Variants in EPS15 observed in about 807,000 individuals in gnomAD.
EPS15 encodes the protein epidermal growth factor receptor pathway substrate 15.
A neutral mutation model predicts 113.8 loss-of-function variants in EPS15; 72 were observed. The ratio of observed to expected loss-of-function variants is 0.63; its 90% confidence interval spans 0.52 to 0.77. The LOEUF is 0.77. Among genes scored for constraint, EPS15 ranks in the 30% least tolerant of loss-of-function variants. The pLI is 0.00. For synonymous variants in EPS15, 344 were observed against 363.4 expected, an observed-to-expected ratio of 0.95 and a Z score of 0.61; for missense variants, 1,048 against 1,045.8, an observed-to-expected ratio of 1.00 and a Z score of -0.03.
chr1:51,476,652 C>G (rs964489092), intron 2 of EPS15, among the ~76,000 whole-genome samples: 27 of 152,060 alleles, frequency 1.8e-4, no homozygotes, highest in South Asian at 4.1e-4. Flanking sequence ...AAACCAGCTC[C>G]TGGATTCATT....
intron 12 of EPS15, among the ~76,000 whole-genome samples, chr1:51,434,153 C>T (rs1268880062): frequency 6.6e-6 from 1 of 152,190 alleles, no homozygotes; most frequent in Admixed American, 6.5e-5. Context: ...GACACAAAAA[C>T]AGGTCTGCAA....
chr1:51,436,737 T>C (rs942417067), intron 12 of EPS15, among the ~76,000 whole-genome samples: 1 of 151,976 alleles, frequency 6.6e-6, no homozygotes, highest in African/African-American at 2.4e-5. Context: ...AGGTAAGGAA[T>C]CAATTCAACA....
intron 24 of EPS15, among the ~76,000 whole-genome samples, chr1:51,359,378 A>G (rs1240534801): frequency 1.4e-5 from 2 of 138,424 alleles, no homozygotes; most frequent in Non-Finnish European, 3.1e-5. Flanking sequence ...TGGGAGGTGG[A>G]GGTTGCAGTG....
chr1:51,456,171 A>G (rs1171020281), intron 8 of EPS15, among the ~76,000 whole-genome samples: 2 of 152,204 alleles, frequency 1.3e-5, no homozygotes, highest in Non-Finnish European at 2.9e-5. Flanking sequence ...TATAAAATAA[A>G]AGAAACGGGT....
At chr1:51,450,296 T>C (rs1176371325) in intron 8 of EPS15, among the ~76,000 whole-genome samples, 1 of 151,736 alleles carries the variant, frequency 6.6e-6, no homozygotes, top group East Asian at 1.9e-4. Context: ...TACCTAAGGC[T>C]GGGTAATTTA....
intron 3 of EPS15, among the ~76,000 whole-genome samples, 175 bp downstream of exon 3, chr1:51,472,684 C>A (rs1028811813): frequency 6.6e-6 from 1 of 152,170 alleles, no homozygotes; most frequent in Admixed American, 6.5e-5. Context: ...CCTTACTTTT[C>A]AAGAGGGTAA....
chr1:51,496,427 T>C (rs1460371980), intron 1 of EPS15, among the ~76,000 whole-genome samples: 1 of 152,216 alleles, frequency 6.6e-6, no homozygotes, highest in Non-Finnish European at 1.5e-5. Context: ...AAGAAACCTT[T>C]AGTTGTAAGT....
chr1:51,395,838 G>A (rs80201544), intron 20 of EPS15, among the ~76,000 whole-genome samples: 5,206 of 152,224 alleles, frequency 0.034, 156 homozygotes, highest in Middle Eastern at 0.065. Context: ...ACATTTATAT[G>A]CAACTCTGAT....
intron 8 of EPS15, chr1:51,457,915 CAG>C (rs1428523077): frequency 2.0e-5 from 3 of 151,970 alleles, no homozygotes; most frequent in Admixed American, 6.6e-5. Flanking sequence ...CAGTAAGAAA[CAG>C]AGAAAATAAA....
rs115653977 is a variant in EPS15, at chr1:51,423,114, T to C, written c.1041-1256A>G. On this transcript the variant is annotated intron_variant, in intron 12 of 24. Transcript: ENST00000371733. ...AACTGTTTTGGATACGTAGGCACAATGTTCTTAAGATGTCTATGGAAGAAA... is the reference window on the plus strand; with the variant it reads ...AACTGTTTTGGATACGTAGGCACAACGTTCTTAAGATGTCTATGGAAGAAA... 3.2e-4 allele frequency: 299 copies of C among 928,982 alleles called. 4 individuals are homozygous for C. The African/African-American group carries it at 4.5e-3, about 14-fold the overall frequency. 57.5% of individuals were successfully genotyped at this position (928,982 alleles called of 1,614,324 possible). A position where few individuals can be genotyped will look rare whatever the true frequency, so the allele number is the denominator to read the frequency against.
chr1:51,375,103 G>A (rs529143688), intron 21 of EPS15, among the ~76,000 whole-genome samples: 9 of 141,384 alleles, frequency 6.4e-5, no homozygotes, highest in African/African-American at 1.6e-4. Flanking sequence ...CTCGGTTCAC[G>A]CCATTCTCCT....
At chr1:51,363,094 T>C (rs1646425706) in intron 23 of EPS15, among the ~76,000 whole-genome samples, 5 of 151,878 alleles carry the variant, frequency 3.3e-5, no homozygotes, top group Admixed American at 3.3e-4. Context: ...GGTCAGGAGG[T>C]AGAGACCAGC....
intron 4 of EPS15, among the ~76,000 whole-genome samples, chr1:51,469,886 C>T (rs1466957147): frequency 6.6e-6 from 1 of 151,816 alleles, no homozygotes; most frequent in Non-Finnish European, 1.5e-5. Flanking sequence ...AAAAAAGCCT[C>T]ATACTGCTTA....
Position 51,410,061 on chromosome 1 carries a change from C to CAAA in EPS15, c.1114-368_1114-366dup, listed in dbSNP as rs1352864932. The stretch of plus-strand genomic sequence containing the variant: ...AGAAACCCTGTCTCTAACAAAAATG[C>CAAA]AAAAAAAAAAAAAAAAATTTAGCTG... On this transcript the variant is annotated intron_variant, in intron 13 of 24. Transcript: ENST00000371733. Among the ~76,000 whole-genome samples, 11 of 109,112 alleles carry CAAA rather than the reference C, an allele frequency of 1.0e-4. No homozygotes were observed. The Admixed American group carries it at 1.0e-3, about 10-fold the overall frequency. 71.6% of individuals were successfully genotyped at this position (109,112 alleles called of 152,430 possible).
chr1:51,442,128 T>G (rs1289161246), intron 11 of EPS15, among the ~76,000 whole-genome samples: 1 of 152,120 alleles, frequency 6.6e-6, no homozygotes, highest in Non-Finnish European at 1.5e-5. Context: ...CTTATCAGTG[T>G]TAAATTAAAT....
At chr1:51,403,601 T>A in intron 16 of EPS15, 69 bp from the exon 17 acceptor site, 1 of 777,726 alleles carries the variant, frequency 1.3e-6, no homozygotes, top group Non-Finnish European at 2.0e-6. Flanking sequence ...TGACTAAAGA[T>A]AACCAAAAAC....
chr1:51,431,562 C>T (rs950417759), intron 12 of EPS15, among the ~76,000 whole-genome samples: 5 of 151,874 alleles, frequency 3.3e-5, no homozygotes, highest in African/African-American at 9.7e-5. Context: ...TCTCCTGTCT[C>T]GGCCTTCAGA....
intron 24 of EPS15, among the ~76,000 whole-genome samples, chr1:51,358,972 G>A (rs1646311262): frequency 6.6e-6 from 1 of 151,866 alleles, no homozygotes; most frequent in African/African-American, 2.4e-5. Flanking sequence ...CCAAAGTGCT[G>A]GGATTACAGG....
At chr1:51,382,464 G>C (rs1203747996) in intron 21 of EPS15, 1 of 149,158 alleles carries the variant, frequency 6.7e-6, no homozygotes, top group Non-Finnish European at 1.5e-5. Context: ...TGTGGCCCAG[G>C]CTGGAGTGCA....
Sources: gnomAD v4.1 joint callset for allele counts (sites outside exome capture counted in the v4.1 genomes callset) on GRCh38, gnomAD v4.1.1 for gene constraint, MANE v1.5 for transcripts, NCBI Gene and HGNC (gene_info 2026-07-23, HGNC 2026-07-21) for gene names.